CLIP1: variants seen among roughly 807,000 people sequenced by gnomAD.
CLIP1 encodes the protein CAP-Gly domain containing linker protein 1, also known as CAP-Gly domain-containing linker protein 1.
Under a neutral mutation model 161.6 loss-of-function variants are expected in CLIP1, and 66 were observed. The observed-to-expected ratio is 0.41, with a 90% CI of 0.33 to 0.50. The LOEUF (loss-of-function observed/expected upper bound fraction) is 0.50, where lower values mean the gene tolerates loss of function less well. CLIP1 is among the 20% of genes least tolerant of loss of function. CLIP1 has a pLI of 0.27. For synonymous variants in CLIP1, 598 were observed against 626.2 expected (o/e 0.96, Z 0.67); for missense variants, 1,376 against 1,702.0 (o/e 0.81, Z 3.37).
Position 122,360,939 on chromosome 12 carries a change from T to C in CLIP1, c.1005+20A>G, listed in dbSNP as rs999671610. ...ATCCTGCCTGGGAAGTGGAGGCAGG[T>C]AGTGAGAAAGGGGCCTTACTAGTCC... On this transcript the variant is annotated intron_variant, in intron 5 of 25. Transcript: ENST00000620786. 19 of 1,587,018 alleles carry C rather than the reference T, an allele frequency of 1.2e-5. No homozygotes were observed. Among genetic ancestry groups the C allele is most frequent in the African/African-American group, 2.7e-5 (2 of 74,592 alleles).
intron 19 of CLIP1, among the ~76,000 whole-genome samples, chr12:122,315,189 G>A (rs1390673363): frequency 6.6e-6 from 1 of 152,148 alleles, no homozygotes; most frequent in African/African-American, 2.4e-5. Context: ...CAGCAGTTTG[G>A]AACTGATGTT....
At chr12:122,347,818 T>G (rs899179041) in intron 9 of CLIP1, among the ~76,000 whole-genome samples, 1 of 152,080 alleles carries the variant, frequency 6.6e-6, no homozygotes, top group Non-Finnish European at 1.5e-5. Flanking sequence ...ATAGTTAATA[T>G]CCCTCCCTCT....
intron 7 of CLIP1, 73 bp from the exon 8 acceptor site, chr12:122,352,859 AAACAAAAAAACAC>A: frequency 7.7e-7 from 1 of 1,300,396 alleles, no homozygotes; most frequent in Non-Finnish European, 1.1e-6. Flanking sequence ...CAAAACAAAC[AAACAAAAAAACAC>A]GTTGGGCATG....
At chr12:122,278,252 G>A (rs756123037) in intron 23 of CLIP1, 49 bp from the exon 24 acceptor site, 4 of 1,470,670 alleles carry the variant, frequency 2.7e-6, no homozygotes, top group Non-Finnish European at 3.7e-6. Flanking sequence ...GAGAATATAT[G>A]TATATTTTTA....
intron 3 of CLIP1, among the ~76,000 whole-genome samples, chr12:122,370,830 TG>T (rs1483246454): frequency 6.6e-6 from 1 of 151,894 alleles, no homozygotes; most frequent in African/African-American, 2.4e-5. Context: ...GGGTAATGCA[TG>T]CCTGTAATCC....
At chr12:122,305,003 A>G (rs1950816048) in intron 20 of CLIP1, among the ~76,000 whole-genome samples, 3 of 152,228 alleles carry the variant, frequency 2.0e-5, no homozygotes, top group Admixed American at 1.3e-4. Context: ...TGTATAATAC[A>G]TCTGCTATAA....
At chr12:122,280,218 C>T (rs148455614) in intron 21 of CLIP1, 3,606 of 152,074 alleles carry the variant, frequency 0.024, 70 homozygotes, top group Middle Eastern at 0.061. Flanking sequence ...GGATTACAGG[C>T]GCCTGCCACC....
intron 21 of CLIP1, among the ~76,000 whole-genome samples, chr12:122,286,490 C>A: frequency 8.0e-6 from 1 of 125,194 alleles, no homozygotes; most frequent in East Asian, 2.4e-4. Context: ...CACTGCACTC[C>A]AGCCTGGGTG....
rs977423989 is a variant in CLIP1 at position 122,334,581 on chromosome 12, A to G, written c.2626+67T>C. On this transcript the variant is annotated intron_variant, in intron 13 of 25. Coordinates refer to ENST00000620786, the MANE Select transcript of CLIP1 (RefSeq NM_001247997.2). ...AGCAGTGTAACTCTGTGCACTCCAC[A>G]GGTCAGCTCCAGTATGAAAGAATGA... 4 of 1,069,232 alleles carry G rather than the reference A, an allele frequency of 3.7e-6. No homozygotes were observed. The Admixed American group carries it at 6.1e-5, about 16-fold the overall frequency. The allele number at this position is 1,069,232 out of a possible 1,614,324, so 66.2% of individuals were successfully genotyped here. A position where few individuals can be genotyped will look rare whatever the true frequency, so the allele number is the denominator to read the frequency against.
intron 15 of CLIP1, among the ~76,000 whole-genome samples, chr12:122,329,015 T>C (rs1260425720): frequency 6.6e-6 from 1 of 151,990 alleles, no homozygotes; most frequent in Non-Finnish European, 1.5e-5. Flanking sequence ...TAAGGAAAAA[T>C]GAGTGAAAAA....
At position 122,352,717 on chromosome 12, in the gene CLIP1, G is replaced by A. The variant is rs1566157604; in HGVS notation, c.1368+9C>T. 1.2e-6 allele frequency: 2 copies of A among 1,610,712 alleles called. No individual in the cohort carries two copies. Among genetic ancestry groups the A allele is most frequent in the African/African-American group, 2.7e-5 (2 of 74,820 alleles). ...CATAAAAGCTGTAAGAGAGCTGGAG[G>A]GGTTTTACCTCAAGATCACCTTTGG... On this transcript the variant is annotated intron_variant, in intron 8 of 25. Transcript: ENST00000620786.
intron 25 of CLIP1, among the ~76,000 whole-genome samples, chr12:122,273,726 G>T (rs117177202): frequency 6.6e-6 from 1 of 151,900 alleles, no homozygotes; most frequent in Non-Finnish European, 1.5e-5. Flanking sequence ...TGAAACTAAG[G>T]TTCCAATCAG....
At chr12:122,334,921 A>G (rs752042484) in intron 12 of CLIP1, among the ~76,000 whole-genome samples, 2 of 152,314 alleles carry the variant, frequency 1.3e-5, no homozygotes, top group Non-Finnish European at 2.9e-5. Context: ...ATGTGTGTGT[A>G]TGGACATGTG....
At chr12:122,379,943 T>TAAAAAAAAAAAAAAAAAAAAAAAAAAA in intron 2 of CLIP1, among the ~76,000 whole-genome samples, 2 of 70,404 alleles carry the variant, frequency 2.8e-5, no homozygotes, top group East Asian at 1.1e-3. Flanking sequence ...GACTCCATCT[T>TAAAAAAAAAAAAAAAAAAAAAAAAAAA]TAAAAAAAAA....
chr12:122,282,238 C>A (rs936490069), intron 21 of CLIP1, among the ~76,000 whole-genome samples: 1 of 152,176 alleles, frequency 6.6e-6, no homozygotes, highest in Non-Finnish European at 1.5e-5. Flanking sequence ...CATCTCTAAG[C>A]TCCAATTCCA....
intron 3 of CLIP1, chr12:122,365,229 G>C: frequency 2.0e-6 from 1 of 502,482 alleles, no homozygotes; most frequent in Non-Finnish European, 3.4e-6. Context: ...AAAACTTAAA[G>C]TATAATAATA....
In CLIP1 at chr12:122,311,390, A is replaced by G. The variant is rs140475491; in HGVS notation, c.3474-1508T>C. ...AATCTAAAAGTGGCCAAAGTATCCT[A>G]AAGCATTGACCTATAAAAACAAAAT... On this transcript the variant is annotated intron_variant, in intron 19 of 25. Transcript: ENST00000620786. This position sits in a 1 kb window ranked among gnomAD's most constrained non-coding sequence, Gnocchi z 4.3. Among the ~76,000 whole-genome samples, 582 of 152,150 alleles carry G rather than the reference A, an allele frequency of 3.8e-3. 1 individual carries two copies. Among genetic ancestry groups the G allele is most frequent in the South Asian group, 0.011 (52 of 4,822 alleles).
intron 1 of CLIP1, among the ~76,000 whole-genome samples, chr12:122,381,265 T>C (rs1177756363): frequency 6.6e-6 from 1 of 152,198 alleles, no homozygotes; most frequent in African/African-American, 2.4e-5. Context: ...CAAGCCTGTA[T>C]TAGCTATATT....
chr12:122,392,527 G>A (rs1955703472), intron 1 of CLIP1, among the ~76,000 whole-genome samples: 1 of 152,058 alleles, frequency 6.6e-6, no homozygotes, highest in African/African-American at 2.4e-5. Context: ...GAATCCCAAA[G>A]TTTGGTGGTG....
Sources: gnomAD v4.1 joint callset for allele counts (sites outside exome capture counted in the v4.1 genomes callset) on GRCh38, gnomAD v4.1.1 for gene constraint, Gnocchi (gnomAD v3.1) non-coding constraint, MANE v1.5 for transcripts, NCBI Gene and HGNC (gene_info 2026-07-23, HGNC 2026-07-21) for gene names.